Variants in TIMP2 observed in about 807,000 individuals in gnomAD.
TIMP2 encodes TIMP metallopeptidase inhibitor 2.
In TIMP2, 5 loss-of-function variants were observed where a neutral mutation model predicts 24.3. That is an observed-to-expected ratio of 0.21 (90% CI 0.11 to 0.43). The LOEUF is 0.43. TIMP2 is among the 20% of genes least tolerant of loss of function. TIMP2 has a pLI of 1.00. For synonymous variants in TIMP2, 130 were observed against 123.2 expected (o/e 1.06, Z -0.37); for missense variants, 221 against 297.5 (o/e 0.74, Z 1.89).
intron 4 of TIMP2, 187 bp downstream of exon 4, chr17:78,857,335 A>G (rs539303977): frequency 2.7e-6 from 2 of 737,286 alleles, no homozygotes; most frequent in East Asian, 2.8e-5. Flanking sequence ...TCCAGGGACC[A>G]GGGGTCAAAG....
At chr17:78,876,604 C>T (rs540022599) in intron 1 of TIMP2, among the ~76,000 whole-genome samples, 1 of 152,204 alleles carries the variant, frequency 6.6e-6, no homozygotes, top group South Asian at 2.1e-4. Flanking sequence ...GCAACCTCCA[C>T]CTCCCAGGTT....
chr17:78,925,344 T>C lies in TIMP2; in HGVS notation c.-256A>G, dbSNP rs1446601018. 5.3e-5 allele frequency: 8 copies of C among 150,806 alleles called. No individual in the cohort carries two copies. The South Asian group carries it at 1.1e-3, about 20-fold the overall frequency. 9.3% of individuals were successfully genotyped at this position (150,806 alleles called of 1,614,324 possible). A position where few individuals can be genotyped will look rare whatever the true frequency, so the allele number is the denominator to read the frequency against. ...GTGGGGGGCGGCGGGCGAGCGGCGC[T>C]GCGGTTCTCGGCGGCCGCGCTGCCT... is the stretch of plus-strand genomic sequence containing the variant. On this transcript the variant is annotated 5_prime_UTR_variant, in exon 1 of 5. Coordinates refer to ENST00000262768, the MANE Select transcript of TIMP2 (RefSeq NM_003255.5).
intron 1 of TIMP2, among the ~76,000 whole-genome samples, chr17:78,915,557 T>A (rs1419872500): frequency 1.3e-5 from 2 of 151,768 alleles, no homozygotes; most frequent in African/African-American, 4.8e-5. Context: ...TCTCACTCTG[T>A]CACCCAGGCA....
At position 78,853,002 on chromosome 17, in the gene TIMP2, T is replaced by TCCA. The variant is rs1599141740; in HGVS notation, c.*2662_*2664dup. 6.6e-6 allele frequency: 1 copy of TCCA among 152,610 alleles called. No homozygotes were observed. Among genetic ancestry groups the TCCA allele is most frequent in the East Asian group, 1.9e-4 (1 of 5,202 alleles). 9.5% of individuals were successfully genotyped at this position (152,610 alleles called of 1,614,324 possible). ...TTCTCTTTGATAATACTGTTTATTGTCCACGGACCGAGCGATTGCTCAAGA... is the reference window on the plus strand; with the variant it reads ...TTCTCTTTGATAATACTGTTTATTGTCCACCACGGACCGAGCGATTGCTCAAGA... On this transcript the variant is annotated 3_prime_UTR_variant, in exon 5 of 5. Transcript: ENST00000262768.
intron 1 of TIMP2, among the ~76,000 whole-genome samples, chr17:78,883,381 C>G (rs144363593): frequency 6.6e-6 from 1 of 152,178 alleles, no homozygotes; most frequent in Non-Finnish European, 1.5e-5. Flanking sequence ...AGGGCGGGAC[C>G]GTGACATCCA....
At chr17:78,881,672 G>A (rs1391480665) in intron 1 of TIMP2, among the ~76,000 whole-genome samples, 1 of 152,240 alleles carries the variant, frequency 6.6e-6, no homozygotes, top group East Asian at 1.9e-4. Context: ...TTCTCTCCCG[G>A]ATGAAACCCA....
intron 1 of TIMP2, among the ~76,000 whole-genome samples, chr17:78,895,716 G>A (rs1599164673): frequency 2.6e-5 from 4 of 152,214 alleles, no homozygotes; most frequent in Non-Finnish European, 5.9e-5. Flanking sequence ...ACATGGAGGA[G>A]TTGGCCTCAG....
intron 1 of TIMP2, among the ~76,000 whole-genome samples, chr17:78,907,600 T>C (rs1173969577): frequency 1.3e-5 from 2 of 152,100 alleles, no homozygotes; most frequent in African/African-American, 2.4e-5. Flanking sequence ...GTTTGAAATA[T>C]TGCAAGAATT....
chr17:78,893,566 C>G (rs1374017859), intron 1 of TIMP2, among the ~76,000 whole-genome samples: 2 of 151,292 alleles, frequency 1.3e-5, no homozygotes, highest in African/African-American at 4.9e-5. Flanking sequence ...TCTGTGTGTA[C>G]AGGGGGGTGT....
At chr17:78,861,879 T>C (rs145295055) in intron 3 of TIMP2, among the ~76,000 whole-genome samples, 1 of 152,318 alleles carries the variant, frequency 6.6e-6, no homozygotes, top group African/African-American at 2.4e-5. Flanking sequence ...ATCTTTTCAA[T>C]GGTCCTAGTT....
At chr17:78,899,309 C>G (rs11649937) in intron 1 of TIMP2, 67,694 of 152,864 alleles carry the variant, frequency 0.44, 15,380 homozygotes, top group African/African-American at 0.54. Flanking sequence ...GCCTGCACCC[C>G]GTCCTCTCCC....
chr17:78,880,956 TG>T (rs1230535156), intron 1 of TIMP2, among the ~76,000 whole-genome samples: 3 of 152,164 alleles, frequency 2.0e-5, no homozygotes, highest in African/African-American at 7.2e-5. Flanking sequence ...CTCCACACAC[TG>T]TAACAGCATA....
In TIMP2 at chr17:78,854,700, T is replaced by C. The variant is rs2069509489; in HGVS notation, c.*967A>G. 6.6e-6 allele frequency: 1 copy of C among 152,014 alleles called. No homozygotes were observed. Among genetic ancestry groups the C allele is most frequent in the South Asian group, 2.1e-4 (1 of 4,820 alleles). The allele number at this position is 152,014 out of a possible 1,614,324, so 9.4% of individuals were successfully genotyped here. On this transcript the variant is annotated 3_prime_UTR_variant, in exon 5 of 5. Transcript: ENST00000262768. ...GCACAGCAAGACCCAGCTTTTTCTG[T>C]CCTCAGGATGTGCAGATGGGGAGCC... is the stretch of plus-strand genomic sequence containing the variant.
chr17:78,919,456 G>C (rs889001562), intron 1 of TIMP2, among the ~76,000 whole-genome samples: 13 of 152,126 alleles, frequency 8.5e-5, no homozygotes, highest in Admixed American at 1.3e-4. Flanking sequence ...AAATGACCAG[G>C]GGTTACGGTC....
intron 1 of TIMP2, among the ~76,000 whole-genome samples, chr17:78,912,986 C>T (rs895747863): frequency 1.3e-5 from 2 of 152,120 alleles, no homozygotes; most frequent in African/African-American, 4.8e-5. Flanking sequence ...GGGCAGATCA[C>T]CTGAGGTTGG....
intron 1 of TIMP2, among the ~76,000 whole-genome samples, chr17:78,884,176 T>C (rs2069804814): frequency 6.6e-6 from 1 of 152,112 alleles, no homozygotes; most frequent in Admixed American, 6.5e-5. Flanking sequence ...AGGAAACCCC[T>C]ACCCATCCCT....
At chr17:78,892,047 G>T (rs1249063044) in intron 1 of TIMP2, 1 of 1,550,980 alleles carries the variant, frequency 6.4e-7, no homozygotes, top group East Asian at 2.4e-5. Context: ...ATGGGCCCCT[G>T]CGAGTCAGGC....
chr17:78,907,354 T>C lies in TIMP2; in HGVS notation c.130+17605A>G, dbSNP rs572329596. On this transcript the variant is annotated intron_variant, in intron 1 of 4. Transcript: ENST00000262768. The stretch of plus-strand genomic sequence containing the variant: ...CCCAGTCCCATTATAGGGTAATTAA[T>C]TGGCCTAATTTCAATATTGTTGTGT... Among the ~76,000 whole-genome samples, 111 of 152,284 alleles carry C rather than the reference T, an allele frequency of 7.3e-4. 1 individual carries two copies. Among genetic ancestry groups the C allele is most frequent in the African/African-American group, 2.5e-3 (104 of 41,558 alleles).
intron 1 of TIMP2, among the ~76,000 whole-genome samples, chr17:78,879,952 G>A (rs1020434113): frequency 1.3e-5 from 2 of 151,966 alleles, no homozygotes; most frequent in Non-Finnish European, 2.9e-5. Context: ...CCAAGGTCGC[G>A]GGAGACGATC....
Sources: allele counts gnomAD v4.1 joint callset (sites outside exome capture counted in the v4.1 genomes callset), GRCh38; gene constraint gnomAD v4.1.1; transcripts MANE v1.5; gene names NCBI Gene and HGNC (gene_info 2026-07-23, HGNC 2026-07-21).